The following DNAH8 variants were observed in gnomAD, a reference collection of about 807,000 sequenced individuals.
DNAH8 encodes dynein axonemal heavy chain 8, also known as axonemal beta dynein heavy chain 8.
DNAH8 carries 382 observed loss-of-function variants against 562.1 expected under a neutral mutation model. The ratio of observed to expected loss-of-function variants is 0.68; its 90% CI spans 0.63 to 0.74. The LOEUF (loss-of-function observed/expected upper bound fraction) is 0.74. Ranked by LOEUF, DNAH8 falls within the 30% of genes least tolerant of loss-of-function variation. The pLI is 0.00. For synonymous variants in DNAH8, 1,881 were observed against 1,919.4 expected, an observed-to-expected ratio of 0.98 and a Z score of 0.52; for missense variants, 5,203 against 5,620.4, an observed-to-expected ratio of 0.93 and a Z score of 2.37.
chr6:38,787,036 G>C (rs1370004955), intron 18 of DNAH8, 84 bp downstream of exon 18: 2 of 786,522 alleles, frequency 2.5e-6, no homozygotes, highest in African/African-American at 3.7e-5. Flanking sequence ...TATCCCTGCA[G>C]TTATGCTTCA....
chr6:39,003,480 T>C (rs1421971024), intron 88 of DNAH8, among the ~76,000 whole-genome samples: 3 of 152,138 alleles, frequency 2.0e-5, no homozygotes, highest in Admixed American at 1.3e-4. Context: ...GCATAAACAA[T>C]AGAGAAAAAT....
rs746887163 is a variant in DNAH8, at chr6:38,938,213, C to T, written c.11803C>T (p.Gln3935Ter). The T allele has an allele frequency of 1.2e-6, 2 of 1,611,616 alleles. No homozygotes were observed. The highest frequency in any genetic ancestry group is 1.7e-5 in the Admixed American group (1 of 59,984). The change falls in exon 78 of 93, where the codon CAG becomes TAG. Residue 3935 changes from glutamine (Q) to a stop codon, truncating the protein, a stop_gained. Transcript: ENST00000327475. LOFTEE classifies it high-confidence loss of function. Reference protein sequence around the residue: ...SLAQFLKLFDQSMARSEKSPL... With the variant: ...SLAQFLKLFD ...GGCCCAGTTCTTGAAGTTATTTGAC[C>T]AGTCCATGGCCAGGTGAGTCCTCAC...
chr6:38,957,344 A>G (rs558258222), intron 82 of DNAH8, among the ~76,000 whole-genome samples: 4 of 150,090 alleles, frequency 2.7e-5, no homozygotes, highest in African/African-American at 9.7e-5. Flanking sequence ...GTAAATATTA[A>G]TAGACCTAAA....
At chr6:39,000,965 G>C (rs1394466066) in intron 88 of DNAH8, among the ~76,000 whole-genome samples, 1 of 152,124 alleles carries the variant, frequency 6.6e-6, no homozygotes, top group Non-Finnish European at 1.5e-5. Flanking sequence ...GGAACATAAT[G>C]AGCGGTAAGG....
chr6:38,845,888 A>G, intron 36 of DNAH8, 115 bp downstream of exon 36: 2 of 866,178 alleles, frequency 2.3e-6, no homozygotes, highest in South Asian at 1.7e-5. Context: ...TAAATTTGGT[A>G]TTATCTTGTC....
chr6:39,022,739 G>A (rs937210060), intron 91 of DNAH8, among the ~76,000 whole-genome samples: 1 of 152,198 alleles, frequency 6.6e-6, no homozygotes, highest in African/African-American at 2.4e-5. Flanking sequence ...CCCCTTGGGT[G>A]TCTGAACAGA....
At chr6:38,722,155 T>G (rs1762804236) in intron 1 of DNAH8, among the ~76,000 whole-genome samples, 2 of 152,218 alleles carry the variant, frequency 1.3e-5, no homozygotes, top group South Asian at 4.1e-4. Flanking sequence ...ATAGTACCAT[T>G]GCCTCAATAA....
rs1335751538 is a variant in DNAH8, at chr6:38,873,044, T to A, written c.7376T>A (p.Leu2459Gln). ...CCCATGGCCCCTAGTTGTAAGCTTC[T>A]GTTTGAAGTCCACAATATCGAGAAC... is the stretch of plus-strand genomic sequence containing the variant. ...RIPMAPSCKLLFEVHNIENAS... is the reference protein window; with the variant it reads ...RIPMAPSCKLQFEVHNIENAS... The change falls in exon 51 of 93, where the codon CTG becomes CAG. Residue 2459 changes from leucine (L) to glutamine (Q), a missense_variant. Around this residue, in one of 6 missense-constraint regions of DNAH8, gnomAD observed 977 missense variants for 1,061.8 expected, o/e 0.92. Transcript: ENST00000327475. 1 of 1,614,054 alleles carries A rather than the reference T, an allele frequency of 6.2e-7. No individual in the cohort carries two copies. Among genetic ancestry groups the A allele is most frequent in the African/African-American group, 1.3e-5 (1 of 74,944 alleles).
chr6:38,911,324 C>G, intron 65 of DNAH8, 144 bp from the exon 66 acceptor site: 1 of 702,288 alleles, frequency 1.4e-6, no homozygotes, highest in Non-Finnish European at 2.5e-6. Flanking sequence ...TTTTCCACCT[C>G]ACCTCTGAGA....
chr6:38,905,837 C>G (rs771531770), intron 62 of DNAH8, among the ~76,000 whole-genome samples: 7 of 152,150 alleles, frequency 4.6e-5, no homozygotes, highest in Non-Finnish European at 5.9e-5. Flanking sequence ...AGATTATGCT[C>G]TAATAATCAC....
intron 44 of DNAH8, among the ~76,000 whole-genome samples, chr6:38,862,876 C>T (rs1186273596): frequency 1.3e-5 from 2 of 152,068 alleles, no homozygotes; most frequent in Non-Finnish European, 2.9e-5. Flanking sequence ...CTGAAAGGTA[C>T]GTAGAACATG....
chr6:38,885,213 G>C lies in DNAH8; in HGVS notation c.8259+1215G>C, dbSNP rs184700980. Among the ~76,000 whole-genome samples, 6 of 152,186 alleles carry C rather than the reference G, an allele frequency of 3.9e-5. No homozygotes were observed. In the East Asian group the frequency reaches 1.2e-3, roughly 29 times the overall value. ...CTCACGTATCCAACTAGGGATGTCTGGTTGGATCGCAAACTTAACACCTCC... is the reference window on the plus strand; with the variant it reads ...CTCACGTATCCAACTAGGGATGTCTCGTTGGATCGCAAACTTAACACCTCC... On this transcript the variant is annotated intron_variant, in intron 56 of 92. Coordinates refer to ENST00000327475, the MANE Select transcript of DNAH8 (RefSeq NM_001206927.2).
Position 38,805,612 on chromosome 6 carries a change from C to A in DNAH8, c.3150+16C>A, listed in dbSNP as rs762220303. ...ATTTAAAAAGGTATTTATTGTGGAACAACTTCATGCAATTCACAGAATTAT... is the reference window on the plus strand; with the variant it reads ...ATTTAAAAAGGTATTTATTGTGGAAAAACTTCATGCAATTCACAGAATTAT... On this transcript the variant is annotated intron_variant, in intron 23 of 92. Transcript: ENST00000327475. 5.2e-6 allele frequency: 7 copies of A among 1,338,888 alleles called. No homozygotes were observed. The South Asian group carries it at 7.1e-5, about 14-fold the overall frequency. 82.9% of individuals were successfully genotyped at this position (1,338,888 alleles called of 1,614,324 possible).
intron 29 of DNAH8, 101 bp downstream of exon 29, chr6:38,826,492 T>G (rs1362067511): frequency 1.3e-6 from 1 of 760,606 alleles, no homozygotes; most frequent in African/African-American, 1.8e-5. Context: ...TCATCTATTA[T>G]GTAGCACAGT....
chr6:38,840,760 G>C (rs1583155856), intron 33 of DNAH8, among the ~76,000 whole-genome samples: 1 of 152,072 alleles, frequency 6.6e-6, no homozygotes, highest in East Asian at 1.9e-4. Flanking sequence ...ATTCTTAACT[G>C]TATTAAATGA....
intron 1 of DNAH8, among the ~76,000 whole-genome samples, chr6:38,716,188 C>T (rs556948051): frequency 6.6e-6 from 1 of 150,994 alleles, no homozygotes; most frequent in African/African-American, 2.4e-5. Flanking sequence ...GTCTCGATCT[C>T]CTGACCTTGT....
In DNAH8 at chr6:38,917,301, G is replaced by A. The variant is rs757037891; in HGVS notation, c.10203G>A (p.Met3401Ile). 28 of 1,613,338 alleles carry A rather than the reference G, an allele frequency of 1.7e-5. No homozygotes were observed. Among genetic ancestry groups the A allele is most frequent in the Non-Finnish European group, 2.4e-5 (28 of 1,179,630 alleles). Reference protein sequence around the residue: ...RKLAKPPHLIMRIMDCVLLLF... With the variant: ...RKLAKPPHLIIRIMDCVLLLF... Reference sequence around the variant, plus strand: ...TTGCAAAACCACCACATCTTATTATGAGAATCATGGACTGTGTTCTGTTAC... The same window carrying A: ...TTGCAAAACCACCACATCTTATTATAAGAATCATGGACTGTGTTCTGTTAC... The change falls in exon 69 of 93, where the codon ATG becomes ATA. Residue 3401 changes from methionine (M) to isoleucine (I), a missense_variant. Coordinates refer to ENST00000327475, the MANE Select transcript of DNAH8 (RefSeq NM_001206927.2).
chr6:38,958,801 C>T (rs571505440), intron 82 of DNAH8, among the ~76,000 whole-genome samples: 2 of 152,198 alleles, frequency 1.3e-5, no homozygotes, highest in South Asian at 4.2e-4. Context: ...ATGAGACTAG[C>T]ATTACTCTAA....
chr6:38,951,007 C>T lies in DNAH8; in HGVS notation c.12249-311C>T, dbSNP rs541984590. Among the ~76,000 whole-genome samples, 158 of 152,254 alleles carry T rather than the reference C, an allele frequency of 1.0e-3. 1 individual carries two copies. Among genetic ancestry groups the T allele is most frequent in the African/African-American group, 3.4e-3 (141 of 41,548 alleles). On this transcript the variant is annotated intron_variant, in intron 81 of 92. Coordinates refer to ENST00000327475, the MANE Select transcript of DNAH8 (RefSeq NM_001206927.2). The stretch of plus-strand genomic sequence containing the variant: ...GGCATCTTTGGCATATTGGTTCCTC[C>T]TCTGAAAAGGCTGTGGAGCTTCAGA...
Sources: gnomAD v4.1 joint callset for allele counts (sites outside exome capture counted in the v4.1 genomes callset) on GRCh38, gnomAD v4.1.1 for gene constraint, gnomAD v4.1.1 regional missense constraint, MANE v1.5 for transcripts, NCBI Gene and HGNC (gene_info 2026-07-23, HGNC 2026-07-21) for gene names.